Variants in C4BPA observed in about 807,000 individuals in gnomAD.
C4BPA encodes C4b-binding protein alpha chain.
In C4BPA, 31 loss-of-function variants were observed where a neutral mutation model predicts 63.7. The ratio of observed to expected loss-of-function variants is 0.49; its 90% confidence interval spans 0.37 to 0.66. The LOEUF is 0.66. C4BPA is among the 30% of genes least tolerant of loss of function. The pLI is 0.00. For missense variants in C4BPA, 572 were observed against 723.3 expected (o/e 0.79, Z 2.40); for synonymous variants, 259 against 254.7 (o/e 1.02, Z -0.16).
chr1:207,107,163 G>C (rs1039810437), intron 1 of C4BPA, among the ~76,000 whole-genome samples: 1 of 152,208 alleles, frequency 6.6e-6, no homozygotes, highest in Non-Finnish European at 1.5e-5. Context: ...GATCTGAATA[G>C]TGAGTAAAGG....
At chr1:207,141,621 T>C (rs1420039142) in intron 10 of C4BPA, among the ~76,000 whole-genome samples, 3 of 152,184 alleles carry the variant, frequency 2.0e-5, no homozygotes, top group Non-Finnish European at 1.5e-5. Context: ...CTAGTATGAA[T>C]ATAGGCTCCC....
chr1:207,110,365 C>T (rs1387209368), intron 1 of C4BPA, among the ~76,000 whole-genome samples: 2 of 152,164 alleles, frequency 1.3e-5, no homozygotes, highest in Non-Finnish European at 2.9e-5. Context: ...CCTAAGGGGT[C>T]AGACCACAAT....
chr1:207,107,264 C>T (rs908262571), intron 1 of C4BPA, among the ~76,000 whole-genome samples: 1 of 152,080 alleles, frequency 6.6e-6, no homozygotes, highest in East Asian at 1.9e-4. Context: ...TAAAAAAATC[C>T]TGGCTTTGTA....
chr1:207,134,311 T>C (rs1558095698), intron 8 of C4BPA, 93 bp from the exon 9 acceptor site: 2 of 893,688 alleles, frequency 2.2e-6, no homozygotes, highest in East Asian at 4.9e-5. Flanking sequence ...TCTTCAGTGG[T>C]GAGATCGTCC....
In C4BPA at chr1:207,124,288, T is replaced by C; in HGVS notation, c.628T>C (p.Leu210=). Residue 210 remains leucine (L), a synonymous_variant, in exon 6 of 12, where the codon TTG becomes CTG. Coordinates refer to ENST00000367070, the MANE Select transcript of C4BPA (RefSeq NM_000715.4). ...TYSCDPRFSL[L]GHASISCTVE... is the part of the protein sequence containing the mutation. ...CAGCTGTGACCCCCGCTTCTCACTCTTGGGCCATGCCTCCATTTCTTGCAC... is the reference window on the plus strand; with the variant it reads ...CAGCTGTGACCCCCGCTTCTCACTCCTGGGCCATGCCTCCATTTCTTGCAC... 6.2e-7 allele frequency: 1 copy of C among 1,613,984 alleles called. No individual in the cohort carries two copies. The highest frequency in any genetic ancestry group is 8.5e-7 in the Non-Finnish European group (1 of 1,179,904).
chr1:207,126,747 G>A lies in C4BPA; in HGVS notation c.741G>A (p.Gly247=), dbSNP rs1343919382. The change falls in exon 7 of 12, where the codon GGG becomes GGA. Residue 247 remains glycine (G), a synonymous_variant. Coordinates refer to ENST00000367070, the MANE Select transcript of C4BPA (RefSeq NM_000715.4). ...ITCRKPDVSH[G]EMVSGFGPIY... is the part of the protein sequence containing the mutation. ...GTCGCAAGCCAGATGTTTCACATGGGGAAATGGTCTCTGGATTTGGACCCA... is the reference window on the plus strand; with the variant it reads ...GTCGCAAGCCAGATGTTTCACATGGAGAAATGGTCTCTGGATTTGGACCCA... The A allele has an allele frequency of 1.2e-6, 2 of 1,609,268 alleles. No individual in the cohort carries two copies. The highest frequency in any genetic ancestry group is 1.7e-6 in the Non-Finnish European group (2 of 1,177,518).
At chr1:207,131,399 T>A in intron 7 of C4BPA, 147 bp from the exon 8 acceptor site, 1 of 600,830 alleles carries the variant, frequency 1.7e-6, no homozygotes, top group Non-Finnish European at 2.9e-6. Flanking sequence ...ATGTGTGTTT[T>A]CTGGTGTGGT....
At chr1:207,114,079 C>G (rs1209020855) in intron 2 of C4BPA, 21 bp from the exon 3 acceptor site, 5 of 1,604,198 alleles carry the variant, frequency 3.1e-6, no homozygotes, top group Non-Finnish European at 4.3e-6. Flanking sequence ...TTTTGGTGCT[C>G]CTTCTCATTT....
intron 8 of C4BPA, among the ~76,000 whole-genome samples, chr1:207,132,849 C>T (rs1237865261): frequency 6.6e-6 from 1 of 152,020 alleles, no homozygotes; most frequent in East Asian, 1.9e-4. Flanking sequence ...AGAGTGAGAC[C>T]CTTGTCTCTA....
At chr1:207,128,682 T>C (rs1279794652) in intron 7 of C4BPA, among the ~76,000 whole-genome samples, 1 of 152,228 alleles carries the variant, frequency 6.6e-6, no homozygotes, top group South Asian at 2.1e-4. Flanking sequence ...CCCAAGTCTG[T>C]GCTGTCTGAG....
rs759230650 is a variant in C4BPA at position 207,115,388 on chromosome 1, C to T, written c.329-28C>T. The T allele has an allele frequency of 1.4e-5, 17 of 1,247,618 alleles. No homozygotes were observed. In the East Asian group the frequency reaches 4.1e-4, roughly 30 times the overall value. 77.3% of individuals were successfully genotyped at this position (1,247,618 alleles called of 1,614,324 possible). On this transcript the variant is annotated intron_variant, in intron 3 of 11. Coordinates refer to ENST00000367070, the MANE Select transcript of C4BPA (RefSeq NM_000715.4). ...CCATATCTGTGAGTACTTGGAAGTA[C>T]TAATCATCATTTAAATTTTTCTCCC...
chr1:207,115,005 A>T (rs917479934), intron 3 of C4BPA, among the ~76,000 whole-genome samples: 3 of 152,174 alleles, frequency 2.0e-5, no homozygotes, highest in African/African-American at 7.2e-5. Context: ...GTCAGTTGGG[A>T]ATGCATTCTG....
In C4BPA at chr1:207,113,030, A is replaced by T. The variant is rs754456025; in HGVS notation, c.5A>T (p.His2Leu). The T allele has an allele frequency of 4.4e-6, 7 of 1,592,284 alleles. No homozygotes were observed. Among genetic ancestry groups the T allele is most frequent in the Non-Finnish European group, 6.0e-6 (7 of 1,173,624 alleles). ...ACATCAGCGAAGCAGCAGGCCATGC[A>T]CCCCCCAAAAACTCCATCTGGGGCT... is the stretch of plus-strand genomic sequence containing the variant. MHPPKTPSGALH... is the reference protein window; with the variant it reads MLPPKTPSGALH... The change falls in exon 2 of 12, where the codon CAC becomes CTC. Residue 2 changes from histidine (H) to leucine (L), a missense_variant. Transcript: ENST00000367070.
At position 207,114,639 on chromosome 1, in the gene C4BPA, G is replaced by A. The variant is rs372562428; in HGVS notation, c.328+354G>A. ...CTCCTGAGTAGCTGGAATTACAGGC[G>A]TGCACCACCACACCTGGTTAATTTT... On this transcript the variant is annotated intron_variant, in intron 3 of 11. Coordinates refer to ENST00000367070, the MANE Select transcript of C4BPA (RefSeq NM_000715.4). 1.8e-4 allele frequency: 41 copies of A among 230,474 alleles called. No individual in the cohort carries two copies. In the East Asian group the frequency reaches 3.2e-3, roughly 18 times the overall value. The allele number at this position is 230,474 out of a possible 1,614,324, so 14.3% of individuals were successfully genotyped here.
At chr1:207,111,667 G>C (rs1263012704) in intron 1 of C4BPA, among the ~76,000 whole-genome samples, 3 of 152,130 alleles carry the variant, frequency 2.0e-5, no homozygotes, top group African/African-American at 2.4e-5. Flanking sequence ...TTTATGTTGA[G>C]GGACTGAACA....
chr1:207,112,615 C>T (rs951499050), intron 1 of C4BPA, among the ~76,000 whole-genome samples: 9 of 152,206 alleles, frequency 5.9e-5, no homozygotes, highest in East Asian at 5.8e-4. Flanking sequence ...CTAAACTTGA[C>T]GTTTACATCC....
At chr1:207,115,123 A>G (rs1684756733) in intron 3 of C4BPA, among the ~76,000 whole-genome samples, 1 of 152,204 alleles carries the variant, frequency 6.6e-6, no homozygotes, top group Non-Finnish European at 1.5e-5. Context: ...CCATAGACAT[A>G]GAATGAAGCA....
intron 7 of C4BPA, among the ~76,000 whole-genome samples, chr1:207,130,016 T>C (rs576548134): frequency 4.6e-5 from 7 of 152,296 alleles, no homozygotes; most frequent in African/African-American, 1.7e-4. Context: ...GTTATAGGCT[T>C]AATAATGCAA....
At chr1:207,139,433 G>T (rs899548381) in intron 9 of C4BPA, among the ~76,000 whole-genome samples, 2 of 152,118 alleles carry the variant, frequency 1.3e-5, no homozygotes, top group African/African-American at 4.8e-5. Flanking sequence ...TATTGTGGTG[G>T]TGTTTTTTTC....
Sources: allele counts gnomAD v4.1 joint callset (sites outside exome capture counted in the v4.1 genomes callset), GRCh38; gene constraint gnomAD v4.1.1; transcripts MANE v1.5; gene names NCBI Gene and HGNC (gene_info 2026-07-23, HGNC 2026-07-21).